Variants in ALK observed in about 807,000 individuals in gnomAD.
ALK encodes the protein ALK tyrosine kinase receptor.
In ALK, 74 loss-of-function variants were observed where a neutral mutation model predicts 163.1. That is an observed-to-expected ratio of 0.45 (90% CI 0.38 to 0.55). The LOEUF (loss-of-function observed/expected upper bound fraction) is 0.55, where lower values mean the gene tolerates loss of function less well. Ranked by LOEUF, ALK falls within the 20% of genes least tolerant of loss-of-function variation. The probability of loss-of-function intolerance (pLI) is 0.00; values close to 1 mark genes in which losing one functional copy is unlikely to be tolerated. For synonymous variants in ALK, 960 were observed against 843.2 expected (o/e 1.14, Z -2.40); for missense variants, 2,063 against 2,105.3 (o/e 0.98, Z 0.39).
At chr2:29,444,136 C>T (rs544451636) in intron 4 of ALK, among the ~76,000 whole-genome samples, 1 of 152,344 alleles carries the variant, frequency 6.6e-6, no homozygotes, top group African/African-American at 2.4e-5. Context: ...TCTGCCAGAA[C>T]AGTCCTACGT....
intron 1 of ALK, among the ~76,000 whole-genome samples, chr2:29,753,116 G>C (rs1243230407): frequency 6.6e-6 from 1 of 152,212 alleles, no homozygotes; most frequent in Non-Finnish European, 1.5e-5. Context: ...AGAAGGAGAA[G>C]AAAATAGGTG....
chr2:29,322,297 C>G (rs1269842051), intron 6 of ALK, among the ~76,000 whole-genome samples: 2 of 152,222 alleles, frequency 1.3e-5, no homozygotes, highest in Non-Finnish European at 2.9e-5. Context: ...CACACAGAGG[C>G]AGAATTATAA....
chr2:29,348,561 C>T (rs1668020732), intron 5 of ALK, among the ~76,000 whole-genome samples: 1 of 152,178 alleles, frequency 6.6e-6, no homozygotes, highest in Non-Finnish European at 1.5e-5. Flanking sequence ...TTTCAGTTAG[C>T]TAGTGAGTAG....
chr2:29,260,955 C>T (rs1029742170), intron 11 of ALK, among the ~76,000 whole-genome samples: 7 of 152,058 alleles, frequency 4.6e-5, no homozygotes, highest in South Asian at 2.1e-4. Flanking sequence ...CTCTATTATC[C>T]CTTTCCTACT....
chr2:29,914,282 C>T (rs1270472218), intron 1 of ALK, among the ~76,000 whole-genome samples: 1 of 152,158 alleles, frequency 6.6e-6, no homozygotes, highest in African/African-American at 2.4e-5. Context: ...CTTCATTTCC[C>T]ATACATCCCA....
intron 3 of ALK, among the ~76,000 whole-genome samples, chr2:29,655,129 T>A (rs534620539): frequency 1.3e-5 from 2 of 152,090 alleles, no homozygotes; most frequent in Non-Finnish European, 2.9e-5. Context: ...AAAACAAGAA[T>A]AAGCCATGTC....
At chr2:29,500,721 T>C (rs72794464) in intron 4 of ALK, among the ~76,000 whole-genome samples, 10,299 of 152,212 alleles carry the variant, frequency 0.068, 485 homozygotes, top group Non-Finnish European at 0.1. Flanking sequence ...TCCTCTGGCC[T>C]GTGCTGACCC....
chr2:29,676,407 T>C (rs1418160072), intron 3 of ALK, among the ~76,000 whole-genome samples: 2 of 152,104 alleles, frequency 1.3e-5, no homozygotes, highest in Non-Finnish European at 2.9e-5. Context: ...TGTAAATGAA[T>C]ATCCAATTAT....
At chr2:29,742,051 C>G (rs990559945) in intron 1 of ALK, among the ~76,000 whole-genome samples, 2 of 152,270 alleles carry the variant, frequency 1.3e-5, no homozygotes, top group Non-Finnish European at 2.9e-5. Context: ...TTACTGCTCA[C>G]AGGGCTTCCC....
chr2:29,525,301 C>A (rs1253389590), intron 4 of ALK, among the ~76,000 whole-genome samples: 1 of 152,180 alleles, frequency 6.6e-6, no homozygotes, highest in Non-Finnish European at 1.5e-5. Flanking sequence ...AGTCTTTAAG[C>A]TTTCTTTTTT....
chr2:29,437,621 T>C (rs1466239147), intron 4 of ALK, among the ~76,000 whole-genome samples: 2 of 152,194 alleles, frequency 1.3e-5, no homozygotes, highest in South Asian at 4.1e-4. Flanking sequence ...AATGGAGGTT[T>C]ATTGAGATAA....
intron 23 of ALK, 106 bp downstream of exon 23, chr2:29,220,600 T>G (rs2148165971): frequency 6.5e-7 from 1 of 1,535,556 alleles, no homozygotes. Flanking sequence ...GTTGACACCC[T>G]GGGTTCCATC....
chr2:29,294,504 T>C (rs1357616407), intron 9 of ALK, among the ~76,000 whole-genome samples: 1 of 152,206 alleles, frequency 6.6e-6, no homozygotes, highest in Non-Finnish European at 1.5e-5. Context: ...AAACAAGCAC[T>C]TTACTTCTCC....
intron 5 of ALK, among the ~76,000 whole-genome samples, chr2:29,352,239 C>G (rs1668136031): frequency 6.6e-6 from 1 of 152,200 alleles, no homozygotes. Context: ...TATGTGAAAG[C>G]CCTTTGTAAA....
At chr2:29,531,154 T>C (rs1435558870) in intron 4 of ALK, among the ~76,000 whole-genome samples, 1 of 152,212 alleles carries the variant, frequency 6.6e-6, no homozygotes, top group African/African-American at 2.4e-5. Context: ...AGTTGGGCTT[T>C]TTCTCCTGTA....
chr2:29,233,487 C>T, intron 14 of ALK, 78 bp downstream of exon 14: 1 of 1,600,592 alleles, frequency 6.2e-7, no homozygotes, highest in Non-Finnish European at 8.6e-7. Context: ...TGAGGTGTTT[C>T]TATCCCAGGG....
intron 28 of ALK, 31 bp from the exon 29 acceptor site, chr2:29,193,953 A>G (rs778877019): frequency 6.2e-7 from 1 of 1,604,520 alleles, no homozygotes; most frequent in Non-Finnish European, 8.5e-7. Context: ...AAAACTTTGA[A>G]TCAGAGACAA....
intron 5 of ALK, among the ~76,000 whole-genome samples, chr2:29,354,769 T>C (rs1028325203): frequency 8.2e-5 from 12 of 145,578 alleles, no homozygotes; most frequent in African/African-American, 3.0e-4. Context: ...TTCTTTTTCT[T>C]TTTTTTTTTT....
At chr2:29,327,819 G>A (rs923268970) in intron 6 of ALK, among the ~76,000 whole-genome samples, 1 of 152,194 alleles carries the variant, frequency 6.6e-6, no homozygotes, top group African/African-American at 2.4e-5. Context: ...TGGTACTTGT[G>A]GGGGATGGCC....
Sources: gnomAD v4.1 joint callset for allele counts (sites outside exome capture counted in the v4.1 genomes callset) on GRCh38, gnomAD v4.1.1 for gene constraint, MANE v1.5 for transcripts, NCBI Gene and HGNC (gene_info 2026-07-23, HGNC 2026-07-21) for gene names.